ROBO2: variants seen among roughly 807,000 people sequenced by gnomAD.
ROBO2 encodes the protein roundabout guidance receptor 2.
A neutral mutation model predicts 160.8 loss-of-function variants in ROBO2; 53 were observed. That is an observed-to-expected ratio of 0.33 (90% confidence interval 0.26 to 0.41). ROBO2 has a LOEUF of 0.41. ROBO2 is among the 10% of genes least tolerant of loss of function. The pLI, the probability that ROBO2 is intolerant of heterozygous loss-of-function variation, is 1.00. For missense variants in ROBO2, 1,577 were observed against 1,722.4 expected (o/e 0.92, Z 1.49); for synonymous variants, 664 against 611.7 (o/e 1.09, Z -1.26).
chr3:76,277,596 T>C (rs1443398232), intron 2 of ROBO2, among the ~76,000 whole-genome samples: 4 of 151,884 alleles, frequency 2.6e-5, no homozygotes, highest in Admixed American at 2.0e-4. Context: ...TTAGAGGGAC[T>C]ACAAAAGCCT....
rs1043108485 is a variant in ROBO2, at chr3:76,230,960, G to A, written c.109+293358G>A. Among the ~76,000 whole-genome samples the A allele has an allele frequency of 4.6e-5, 7 of 151,996 alleles. No individual in the cohort carries two copies. In the South Asian group the frequency reaches 8.3e-4, roughly 18 times the overall value. ...GATCAGGGTAATGAATCTACAGGCC[G>A]GAGAACACCAAAGATTACCAATAAA... On this transcript the variant is annotated intron_variant, in intron 2 of 26. Coordinates refer to the ROBO2 transcript ENST00000487694.
intron 2 of ROBO2, among the ~76,000 whole-genome samples, chr3:76,810,245 G>A (rs922423448): frequency 6.6e-6 from 1 of 152,038 alleles, no homozygotes; most frequent in Non-Finnish European, 1.5e-5. Context: ...TTAAAAACAA[G>A]GCAGTCAACG....
chr3:76,505,207 T>C (rs1182690599), intron 2 of ROBO2, among the ~76,000 whole-genome samples: 1 of 152,152 alleles, frequency 6.6e-6, no homozygotes, highest in African/African-American at 2.4e-5. Flanking sequence ...GATCAATTAA[T>C]AAAAGGAGTA....
intron 2 of ROBO2, among the ~76,000 whole-genome samples, chr3:77,413,934 A>C (rs2077004738): frequency 6.6e-6 from 1 of 152,122 alleles, no homozygotes; most frequent in South Asian, 2.1e-4. Flanking sequence ...TCAACATATA[A>C]ATTTAGAATC....
chr3:76,516,088 C>T (rs1285250266), intron 2 of ROBO2, among the ~76,000 whole-genome samples: 1 of 152,082 alleles, frequency 6.6e-6, no homozygotes, highest in Admixed American at 6.6e-5. Flanking sequence ...ATGTTTAAAA[C>T]TTTAACAGAA....
At chr3:76,610,064 C>T (rs909138581) in intron 2 of ROBO2, among the ~76,000 whole-genome samples, 3 of 152,114 alleles carry the variant, frequency 2.0e-5, no homozygotes, top group Non-Finnish European at 4.4e-5. Context: ...CCCGCTTGGT[C>T]ATGATGAAAA....
intron 2 of ROBO2, among the ~76,000 whole-genome samples, chr3:77,171,667 C>T (rs922586917): frequency 6.6e-6 from 1 of 152,240 alleles, no homozygotes; most frequent in East Asian, 1.9e-4. Context: ...GAATGAGAGA[C>T]TCAATTCCAT....
At chr3:76,094,470 G>A (rs1213075390) in intron 2 of ROBO2, among the ~76,000 whole-genome samples, 1 of 152,258 alleles carries the variant, frequency 6.6e-6, no homozygotes, top group East Asian at 1.9e-4. Context: ...AAGAGTTGTG[G>A]GAGAAGGATG....
intron 2 of ROBO2, among the ~76,000 whole-genome samples, chr3:76,797,686 G>T (rs571910610): frequency 6.6e-6 from 1 of 151,158 alleles, no homozygotes; most frequent in African/African-American, 2.4e-5. Context: ...GACTAAATAA[G>T]AAAAAAGAAA....
At chr3:77,196,553 T>A (rs1408187189) in intron 2 of ROBO2, among the ~76,000 whole-genome samples, 1 of 152,122 alleles carries the variant, frequency 6.6e-6, no homozygotes, top group East Asian at 1.9e-4. Flanking sequence ...TTTGCTCTTT[T>A]ATACTTTTTA....
chr3:77,577,185 A>T (rs1445625270), intron 14 of ROBO2, among the ~76,000 whole-genome samples: 3 of 152,086 alleles, frequency 2.0e-5, no homozygotes, highest in Non-Finnish European at 2.9e-5. Context: ...ACCTCCTGAG[A>T]TTAATGCAAG....
chr3:77,397,958 A>G (rs2075434916), intron 2 of ROBO2, among the ~76,000 whole-genome samples: 1 of 152,188 alleles, frequency 6.6e-6, no homozygotes, highest in South Asian at 2.1e-4. Context: ...ATAATTTTTA[A>G]ACCACTATTA....
intron 2 of ROBO2, among the ~76,000 whole-genome samples, chr3:77,463,651 T>C (rs907856233): frequency 6.6e-6 from 1 of 151,974 alleles, no homozygotes; most frequent in African/African-American, 2.4e-5. Context: ...TGCAATCATG[T>C]TTCACTGCAG....
At chr3:76,632,640 C>A (rs760172714) in intron 2 of ROBO2, among the ~76,000 whole-genome samples, 1 of 152,084 alleles carries the variant, frequency 6.6e-6, no homozygotes, top group African/African-American at 2.4e-5. Context: ...TATCAATATG[C>A]GATCTAGATC....
chr3:77,054,928 A>ATGTGTGTG (rs574557375), intron 1 of ROBO2, among the ~76,000 whole-genome samples: 3,859 of 113,128 alleles, frequency 0.034, 108 homozygotes, highest in African/African-American at 0.076. Context: ...TCTCGCGTGT[A>ATGTGTGTG]TGTGTGTGTG....
intron 1 of ROBO2, among the ~76,000 whole-genome samples, chr3:77,085,976 A>G (rs1189514120): frequency 1.3e-5 from 2 of 152,106 alleles, no homozygotes; most frequent in East Asian, 3.9e-4. Context: ...TTATCTCTAA[A>G]CTTATAATGG....
intron 12 of ROBO2, 32 bp from the exon 14 acceptor site, chr3:77,568,279 TAA>T: frequency 6.2e-7 from 1 of 1,610,806 alleles, no homozygotes; most frequent in South Asian, 1.1e-5. Context: ...TATGAATTTT[TAA>T]AGGTGGGAAT....
At chr3:77,547,435 C>T (rs2092740405) in intron 7 of ROBO2, among the ~76,000 whole-genome samples, 1 of 151,972 alleles carries the variant, frequency 6.6e-6, no homozygotes, top group Admixed American at 6.6e-5. Flanking sequence ...TAATGGAAAT[C>T]ATTATTAAAC....
intron 2 of ROBO2, among the ~76,000 whole-genome samples, chr3:76,369,994 G>C (rs1231504574): frequency 6.6e-6 from 1 of 151,874 alleles, no homozygotes; most frequent in Non-Finnish European, 1.5e-5. Context: ...TAAAACTGCA[G>C]ATAGACACTC....
Sources: allele counts gnomAD v4.1 joint callset (sites outside exome capture counted in the v4.1 genomes callset), GRCh38; gene constraint gnomAD v4.1.1; transcripts MANE v1.5; gene names NCBI Gene and HGNC (gene_info 2026-07-23, HGNC 2026-07-21).